The following ME3 variants were observed in gnomAD, a reference collection of about 807,000 sequenced individuals.
The protein encoded by ME3 is malic enzyme 3.
ME3 carries 48 observed loss-of-function variants against 68.9 expected under a neutral mutation model. That is an observed-to-expected ratio of 0.70 (90% CI 0.55 to 0.89). The LOEUF (loss-of-function observed/expected upper bound fraction) is 0.89, where lower values mean the gene tolerates loss of function less well. Among genes scored for constraint, ME3 ranks in the 40% least tolerant of loss-of-function variants. The pLI is 0.00. For synonymous variants in ME3, 320 were observed against 318.8 expected (o/e 1.00, Z -0.04); for missense variants, 675 against 797.4 (o/e 0.85, Z 1.85).
intron 2 of ME3, among the ~76,000 whole-genome samples, chr11:86,612,698 A>G (rs1327302436): frequency 1.3e-5 from 2 of 152,050 alleles, no homozygotes; most frequent in African/African-American, 4.8e-5. Context: ...ATTGTTGGCC[A>G]TGTAAATGTC....
At position 86,556,639 on chromosome 11, in the gene ME3, C is replaced by G. The variant is rs767847103; in HGVS notation, c.381G>C (p.Ser127=). Residue 127 remains serine (S), a synonymous_variant, in exon 4 of 15, where the codon TCG becomes TCC. Coordinates refer to ENST00000543262, the Ensembl canonical transcript of ME3. ...CGATTGGCATGAACTTCTCCACGTC[C>G]GAAGTCAGCACTCGGTAGAAGAGCT... 3.1e-6 allele frequency: 5 copies of G among 1,614,082 alleles called. No individual in the cohort carries two copies. The Admixed American group carries it at 8.3e-5, about 27-fold the overall frequency.
intron 8 of ME3, among the ~76,000 whole-genome samples, chr11:86,450,909 G>A (rs1266057973): frequency 6.6e-6 from 1 of 152,192 alleles, no homozygotes; most frequent in Non-Finnish European, 1.5e-5. Context: ...GGACAAGTAA[G>A]TTGTATAAGT....
chr11:86,628,013 T>C, intron 2 of ME3, among the ~76,000 whole-genome samples: 1 of 152,226 alleles, frequency 6.6e-6, no homozygotes, highest in East Asian at 1.9e-4. Context: ...TGTGCGGTAC[T>C]GTGCTACGCA....
At chr11:86,644,509 C>T (rs1174024884) in intron 2 of ME3, among the ~76,000 whole-genome samples, 1 of 152,174 alleles carries the variant, frequency 6.6e-6, no homozygotes, top group African/African-American at 2.4e-5. Context: ...ACTCATCACA[C>T]TCCTATTAGA....
chr11:86,471,898 G>A (rs577893325), intron 7 of ME3, among the ~76,000 whole-genome samples: 2 of 152,244 alleles, frequency 1.3e-5, no homozygotes, highest in South Asian at 4.1e-4. Context: ...AGTTGAATGG[G>A]GACACAGGAA....
chr11:86,551,573 T>G (rs1956683959), intron 4 of ME3, among the ~76,000 whole-genome samples: 1 of 152,198 alleles, frequency 6.6e-6, no homozygotes, highest in Non-Finnish European at 1.5e-5. Context: ...TGTGATGTCT[T>G]AGATAAGTCA....
In ME3 at chr11:86,666,040, G is replaced by C. The variant is rs151190694; in HGVS notation, c.183+5722C>G. On this transcript the variant is annotated intron_variant, in intron 2 of 14. Transcript: ENST00000543262. The stretch of plus-strand genomic sequence containing the variant: ...AAGGCTGGGGTAAAATTGACAGAGT[G>C]AAACAATGAAAGCTTCATATCAACA... 3.9e-3 allele frequency among the ~76,000 whole-genome samples: 597 copies of C among 152,300 alleles called. 6 individuals carry two copies. Among genetic ancestry groups the C allele is most frequent in the African/African-American group, 0.014 (582 of 41,554 alleles).
intron 4 of ME3, among the ~76,000 whole-genome samples, chr11:86,509,192 C>G (rs1481665982): frequency 2.0e-5 from 3 of 152,056 alleles, no homozygotes; most frequent in Non-Finnish European, 4.4e-5. Flanking sequence ...AAGGCTGATT[C>G]CAGGGACTGT....
intron 14 of ME3, among the ~76,000 whole-genome samples, chr11:86,442,134 T>C (rs916843660): frequency 1.3e-5 from 2 of 152,244 alleles, no homozygotes; most frequent in Non-Finnish European, 2.9e-5. Flanking sequence ...ATGTATCTAT[T>C]ATCCAGCTTT....
chr11:86,549,996 G>T (rs1352034125), intron 4 of ME3, among the ~76,000 whole-genome samples: 2 of 152,180 alleles, frequency 1.3e-5, no homozygotes, highest in Non-Finnish European at 2.9e-5. Flanking sequence ...AGTCACAGAA[G>T]ATCCAAGCTG....
intron 2 of ME3, among the ~76,000 whole-genome samples, chr11:86,613,343 A>G (rs1458272999): frequency 1.3e-5 from 2 of 152,198 alleles, no homozygotes; most frequent in African/African-American, 4.8e-5. Flanking sequence ...GCTATTTATG[A>G]CAAACCCACA....
Position 86,564,492 on chromosome 11 carries a change from A to G in ME3, c.184-4669T>C, listed in dbSNP as rs539112815. Among the ~76,000 whole-genome samples the G allele has an allele frequency of 6.7e-5, 10 of 148,942 alleles. No homozygotes were observed. In the South Asian group the frequency reaches 1.9e-3, roughly 28 times the overall value. The stretch of plus-strand genomic sequence containing the variant: ...AAAAAAAAAACAGTGTGGGACTGGC[A>G]TAAGAATAGACATATAGGTAAATGG... On this transcript the variant is annotated intron_variant, in intron 2 of 14. Transcript: ENST00000543262.
chr11:86,452,676 C>T (rs1317947148), intron 8 of ME3, among the ~76,000 whole-genome samples: 1 of 152,156 alleles, frequency 6.6e-6, no homozygotes, highest in African/African-American at 2.4e-5. Flanking sequence ...TATTTTTCTT[C>T]CTTGATCATA....
chr11:86,524,715 C>A (rs1020466557), intron 4 of ME3, among the ~76,000 whole-genome samples: 1 of 152,170 alleles, frequency 6.6e-6, no homozygotes, highest in Non-Finnish European at 1.5e-5. Context: ...GAACAGAATG[C>A]AGTTTTCAAA....
chr11:86,549,302 C>T (rs937373421), intron 4 of ME3, among the ~76,000 whole-genome samples: 1 of 152,198 alleles, frequency 6.6e-6, no homozygotes, highest in African/African-American at 2.4e-5. Flanking sequence ...AGGGACCACT[C>T]TTTCTGTGTT....
chr11:86,477,106 C>T (rs1369770741), intron 7 of ME3, among the ~76,000 whole-genome samples: 1 of 152,246 alleles, frequency 6.6e-6, no homozygotes, highest in East Asian at 1.9e-4. Context: ...CTCATTTATC[C>T]ATCATAAGTA....
At chr11:86,671,602 A>G (rs545616093) in intron 2 of ME3, 160 bp downstream of exon 2, 2 of 831,598 alleles carry the variant, frequency 2.4e-6, no homozygotes, top group East Asian at 6.4e-5. Flanking sequence ...AGGAGGGACA[A>G]GAAAGCCAAA....
chr11:86,601,759 T>A, intron 2 of ME3, among the ~76,000 whole-genome samples: 1 of 151,916 alleles, frequency 6.6e-6, no homozygotes, highest in South Asian at 2.1e-4. Flanking sequence ...TCCACCATGA[T>A]CAAGTGGGCT....
chr11:86,509,543 T>C (rs535880883), intron 4 of ME3, among the ~76,000 whole-genome samples: 3 of 152,214 alleles, frequency 2.0e-5, no homozygotes, highest in Admixed American at 6.5e-5. Context: ...GCTTTTTGCC[T>C]GAAGGCAGTC....
Sources: gnomAD v4.1 joint callset for allele counts (sites outside exome capture counted in the v4.1 genomes callset) on GRCh38, gnomAD v4.1.1 for gene constraint, MANE v1.5 for transcripts, NCBI Gene and HGNC (gene_info 2026-07-23, HGNC 2026-07-21) for gene names.